Variants in ZNF462 observed in about 807,000 individuals in gnomAD.
ZNF462 encodes zinc finger PBX1-interacting protein.
Under a neutral mutation model 201.9 loss-of-function variants are expected in ZNF462, and 10 were observed. The observed-to-expected ratio is 0.05, with a 90% CI of 0.03 to 0.08. The LOEUF is 0.08. Among genes scored for constraint, ZNF462 ranks in the 10% least tolerant of loss-of-function variants. The probability of loss-of-function intolerance (pLI) is 1.00; values close to 1 mark genes in which losing one functional copy is unlikely to be tolerated. For synonymous variants in ZNF462, 1,227 were observed against 1,193.3 expected (o/e 1.03, Z -0.58); for missense variants, 2,523 against 3,168.3 (o/e 0.80, Z 4.89).
intron 1 of ZNF462, among the ~76,000 whole-genome samples, chr9:106,892,577 G>A (rs1365245384): frequency 6.6e-6 from 1 of 151,952 alleles, no homozygotes; most frequent in Non-Finnish European, 1.5e-5. Context: ...CAAGGCAGTG[G>A]AAAAGAAGAC....
chr9:106,933,122 C>T lies in ZNF462; in HGVS notation c.6116+573C>T, dbSNP rs1588080059. ...ATAGGTGTGTAAGGCTTTTTGGGGCCATGGAAAGAGGGGTGGTTTTAAGAA... is the reference window on the plus strand; with the variant it reads ...ATAGGTGTGTAAGGCTTTTTGGGGCTATGGAAAGAGGGGTGGTTTTAAGAA... On this transcript the variant is annotated intron_variant, in intron 5 of 12. Coordinates refer to ENST00000277225, the MANE Select transcript of ZNF462 (RefSeq NM_021224.6). This position sits in a 1 kb window ranked among gnomAD's most constrained non-coding sequence, Gnocchi z 4.3. The T allele has an allele frequency of 1.3e-5, 2 of 156,542 alleles. No individual in the cohort carries two copies. The highest frequency in any genetic ancestry group is 6.8e-3 in the Middle Eastern group (2 of 294). The allele number at this position is 156,542 out of a possible 1,614,324, so 9.7% of individuals were successfully genotyped here.
chr9:107,003,242 C>T lies in ZNF462; in HGVS notation c.7057-52C>T. The T allele has an allele frequency of 1.2e-6, 2 of 1,603,082 alleles. No homozygotes were observed. Among genetic ancestry groups the T allele is most frequent in the Admixed American group, 3.4e-5 (2 of 58,726 alleles). On this transcript the variant is annotated intron_variant, in intron 10 of 12. Coordinates refer to ENST00000277225, the MANE Select transcript of ZNF462 (RefSeq NM_021224.6). This position sits in a 1 kb window ranked among gnomAD's most constrained non-coding sequence, Gnocchi z 4.4. The stretch of plus-strand genomic sequence containing the variant: ...AGAAAGATCTCTCCATCAGGGAGAA[C>T]CCCATTTGGTCTGCGGTTTATTATT...
At chr9:106,909,992 T>C (rs1374055150) in intron 1 of ZNF462, among the ~76,000 whole-genome samples, 1 of 152,218 alleles carries the variant, frequency 6.6e-6, no homozygotes, top group African/African-American at 2.4e-5. Flanking sequence ...TTTCAAACCT[T>C]CTTATCTGTC....
chr9:106,997,041 A>G (rs1417012955), intron 10 of ZNF462, among the ~76,000 whole-genome samples: 1 of 152,146 alleles, frequency 6.6e-6, no homozygotes, highest in Non-Finnish European at 1.5e-5. Flanking sequence ...ATATAGTTTC[A>G]TGGCTCAGGT....
In ZNF462 at chr9:106,888,103, G is replaced by A. The variant is rs186690992; in HGVS notation, c.-31+24748G>A. Among the ~76,000 whole-genome samples the A allele has an allele frequency of 4.1e-4, 62 of 151,038 alleles. 1 individual carries two copies. The East Asian group carries it at 5.3e-3, about 13-fold the overall frequency. On this transcript the variant is annotated intron_variant, in intron 1 of 12. Transcript: ENST00000277225. ...GTCGCTCAGGCTGGAGTGCAGTGGCGCGATCTCGGCTCACTGCAAGCTCCG... is the reference window on the plus strand; with the variant it reads ...GTCGCTCAGGCTGGAGTGCAGTGGCACGATCTCGGCTCACTGCAAGCTCCG...
At chr9:106,900,254 ATC>A (rs1399544422) in intron 1 of ZNF462, among the ~76,000 whole-genome samples, 83 of 100,480 alleles carry the variant, frequency 8.3e-4, no homozygotes, top group Admixed American at 3.6e-3. Context: ...GTGTGTGTGT[ATC>A]TCACAGTTTT....
At position 106,926,895 on chromosome 9, in the gene ZNF462, G is replaced by A. The variant is rs1393047686; in HGVS notation, c.2983G>A (p.Ala995Thr). 1.2e-6 allele frequency: 2 copies of A among 1,614,046 alleles called. No homozygotes were observed. The highest frequency in any genetic ancestry group is 8.5e-7 in the Non-Finnish European group (1 of 1,180,052). The change falls in exon 3 of 13, where the codon GCT becomes ACT. Residue 995 changes from alanine (A) to threonine (T), a missense_variant. Ala to Thr is a moderately conservative substitution (Grantham distance 58, BLOSUM62 0). Around this residue, in one of 15 missense-constraint regions of ZNF462, gnomAD observed 280 missense variants for 321.3 expected, o/e 0.87. Coordinates refer to ENST00000277225, the MANE Select transcript of ZNF462 (RefSeq NM_021224.6). The surrounding 1 kb of genome is among the most constrained non-coding windows in gnomAD (Gnocchi z 7.9). ...PKNMATSTPV[A>T]RGGGLPATFN... ...GAACATGGCGACTTCCACACCTGTG[G>A]CTCGTGGTGGTGGTTTGCCAGCTAC...
rs1830397712 is a variant in ZNF462 at position 106,930,907 on chromosome 9, G to A, written c.6012+218G>A. 5 of 501,116 alleles carry A rather than the reference G, an allele frequency of 1.0e-5. No individual in the cohort carries two copies. Among genetic ancestry groups the A allele is most frequent in the East Asian group, 3.7e-5 (1 of 26,860 alleles). The allele number at this position is 501,116 out of a possible 1,614,324, so 31.0% of individuals were successfully genotyped here. A position where few individuals can be genotyped will look rare whatever the true frequency, so the allele number is the denominator to read the frequency against. On this transcript the variant is annotated intron_variant, in intron 4 of 12. Transcript: ENST00000277225. The surrounding 1 kb of genome is among the most constrained non-coding windows in gnomAD (Gnocchi z 5.8). ...GAGTTTCGATCTGGTTTCCTTCCAC[G>A]CGGATAGTTTGGTGGCAGCAGAAGG... is the stretch of plus-strand genomic sequence containing the variant.
chr9:107,004,103 T>C (rs1413840050), intron 11 of ZNF462, among the ~76,000 whole-genome samples: 2 of 152,222 alleles, frequency 1.3e-5, no homozygotes, highest in Non-Finnish European at 2.9e-5. Flanking sequence ...GGATATACAT[T>C]TATGTGATTC....
intron 1 of ZNF462, among the ~76,000 whole-genome samples, chr9:106,907,991 C>T (rs891093477): frequency 6.6e-6 from 1 of 151,892 alleles, no homozygotes; most frequent in Non-Finnish European, 1.5e-5. Context: ...AAAATTTTCT[C>T]AAATGTTTGG....
At chr9:106,901,432 G>GT (rs1829060326) in intron 1 of ZNF462, among the ~76,000 whole-genome samples, 1 of 152,028 alleles carries the variant, frequency 6.6e-6, no homozygotes, top group Admixed American at 6.6e-5. Flanking sequence ...TTTTAGAATT[G>GT]TTTTTTCTAA....
rs986323383 is a variant in ZNF462, at chr9:107,003,025, G to C, written c.7057-269G>C. On this transcript the variant is annotated intron_variant, in intron 10 of 12. Transcript: ENST00000277225. This position sits in a 1 kb window ranked among gnomAD's most constrained non-coding sequence, Gnocchi z 4.4. ...CTTCATTTTACTTTTGGTCTCCTGC[G>C]TACTATAGCTCATGTTTCTTCACAA... 6.6e-6 allele frequency among the ~76,000 whole-genome samples: 1 copy of C among 152,154 alleles called. No individual in the cohort carries two copies. Among genetic ancestry groups the C allele is most frequent in the African/African-American group, 2.4e-5 (1 of 41,438 alleles).
At chr9:106,937,362 T>G (rs560496652) in intron 6 of ZNF462, among the ~76,000 whole-genome samples, 74 of 152,264 alleles carry the variant, frequency 4.9e-4, no homozygotes, top group South Asian at 4.0e-3. Flanking sequence ...ATTTTCATGG[T>G]GGCAGGAAAA....
chr9:106,890,621 A>G lies in ZNF462; in HGVS notation c.-31+27266A>G, dbSNP rs1216534610. On this transcript the variant is annotated intron_variant, in intron 1 of 12. Coordinates refer to ENST00000277225, the MANE Select transcript of ZNF462 (RefSeq NM_021224.6). This position sits in a 1 kb window ranked among gnomAD's most constrained non-coding sequence, Gnocchi z 4.2. ...ATGCACTTAGGCTTACCTTCGTAAT[A>G]TGGGTAAATGTCTCAGGTTAGCCAA... is the stretch of plus-strand genomic sequence containing the variant. Among the ~76,000 whole-genome samples, 2 of 152,192 alleles carry G rather than the reference A, an allele frequency of 1.3e-5. No homozygotes were observed. The highest frequency in any genetic ancestry group is 2.4e-5 in the African/African-American group (1 of 41,446).
chr9:106,922,529 C>T (rs1336926706), intron 1 of ZNF462, among the ~76,000 whole-genome samples: 1 of 152,016 alleles, frequency 6.6e-6, no homozygotes, highest in East Asian at 1.9e-4. Context: ...ACTTAGAAGC[C>T]CTTCTTCAAA....
intron 1 of ZNF462, among the ~76,000 whole-genome samples, chr9:106,874,056 C>A (rs184911012): frequency 5.3e-5 from 8 of 152,284 alleles, no homozygotes; most frequent in Admixed American, 1.3e-4. Flanking sequence ...TCATCCATAT[C>A]ATTATCTACC....
rs1390858459 is a variant in ZNF462 at position 106,902,770 on chromosome 9, TCA to T, written c.-30-20582_-30-20581del. Among the ~76,000 whole-genome samples the T allele has an allele frequency of 6.6e-6, 1 of 152,172 alleles. No individual in the cohort carries two copies. Among genetic ancestry groups the T allele is most frequent in the Non-Finnish European group, 1.5e-5 (1 of 68,022 alleles). ...TATTTCTGTGGTATCAGATGTAATA[TCA>T]CCTGTTTTGTTTCTTAGTGAGGTTA... On this transcript the variant is annotated intron_variant, in intron 1 of 12. Transcript: ENST00000277225. This position sits in a 1 kb window ranked among gnomAD's most constrained non-coding sequence, Gnocchi z 4.2.
chr9:106,987,656 CTTTAG>C (rs1393032301), intron 10 of ZNF462, among the ~76,000 whole-genome samples: 2 of 152,154 alleles, frequency 1.3e-5, no homozygotes, highest in African/African-American at 4.8e-5. Context: ...TGCAAAAGCT[CTTTAG>C]TTTAAGTAAG....
At chr9:106,892,717 CACACACACAT>C (rs1251973004) in intron 1 of ZNF462, among the ~76,000 whole-genome samples, 15 of 150,052 alleles carry the variant, frequency 1.0e-4, no homozygotes, top group African/African-American at 2.7e-4. Flanking sequence ...CACACACACA[CACACACACAT>C]GTTATGCATA....
Sources: allele counts gnomAD v4.1 joint callset (sites outside exome capture counted in the v4.1 genomes callset), GRCh38; gene constraint gnomAD v4.1.1; regional missense constraint gnomAD v4.1.1; non-coding constraint Gnocchi (gnomAD v3.1); transcripts MANE v1.5; gene names NCBI Gene and HGNC (gene_info 2026-07-23, HGNC 2026-07-21).